The following WNT5A variants were observed in gnomAD, a reference collection of about 807,000 sequenced individuals.
WNT5A encodes the protein Wnt family member 5A.
Under a neutral mutation model 42.1 loss-of-function variants are expected in WNT5A, and 9 were observed. The observed-to-expected ratio is 0.21, with a 90% CI of 0.13 to 0.37. WNT5A has a LOEUF of 0.37. Among genes scored for constraint, WNT5A ranks in the 10% least tolerant of loss-of-function variants. The probability of loss-of-function intolerance (pLI) is 1.00; values close to 1 mark genes in which losing one functional copy is unlikely to be tolerated. For missense variants in WNT5A, 426 were observed against 534.0 expected (o/e 0.80, Z 1.99); for synonymous variants, 210 against 210.0 (o/e 1.00, Z 0.00).
Position 55,480,925 on chromosome 3 carries a change from A to G in WNT5A, c.7-7T>C. On this transcript the variant is annotated splice_region_variant and splice_polypyrimidine_tract_variant and intron_variant, in intron 1 of 4. Transcript: ENST00000264634. ...TTAATATTCCAATGGACTTCTGGAGAGGGAAGAAAGGAGCAGATGTTTATT... is the reference window on the plus strand; with the variant it reads ...TTAATATTCCAATGGACTTCTGGAGGGGGAAGAAAGGAGCAGATGTTTATT... 6.6e-7 allele frequency: 1 copy of G among 1,517,236 alleles called. No homozygotes were observed. Among genetic ancestry groups the G allele is most frequent in the Non-Finnish European group, 8.8e-7 (1 of 1,130,644 alleles). The allele number at this position is 1,517,236 out of a possible 1,614,324, so 94.0% of individuals were successfully genotyped here. A position where few individuals can be genotyped will look rare whatever the true frequency, so the allele number is the denominator to read the frequency against.
chr3:55,479,227 T>C (rs766368507), intron 3 of WNT5A, 87 bp downstream of exon 3: 247 of 1,396,988 alleles, frequency 1.8e-4, no homozygotes, highest in Non-Finnish European at 2.3e-4. Flanking sequence ...TCCTTCATGC[T>C]TTCTATCAAG....
At chr3:55,482,819 G>A (rs1265270729) in intron 1 of WNT5A, among the ~76,000 whole-genome samples, 1 of 152,128 alleles carries the variant, frequency 6.6e-6, no homozygotes, top group Admixed American at 6.5e-5. Context: ...GGGCTGCAAA[G>A]TCTGCTTCTC....
At chr3:55,481,332 T>C (rs2051457837) in intron 1 of WNT5A, 6 of 986,958 alleles carry the variant, frequency 6.1e-6, no homozygotes, top group Non-Finnish European at 7.2e-6. Context: ...CTCCCCAACC[T>C]GGGCCGAGCA....
chr3:55,482,051 T>C (rs2051475506), intron 1 of WNT5A, among the ~76,000 whole-genome samples: 1 of 152,130 alleles, frequency 6.6e-6, no homozygotes, highest in Non-Finnish European at 1.5e-5. Context: ...CTGCCTCCAG[T>C]CTAGCCTCTC....
At position 55,472,053 on chromosome 3, in the gene WNT5A, A is replaced by G. The variant is rs116103318; in HGVS notation, c.685-1503T>C. On this transcript the variant is annotated intron_variant, in intron 4 of 4. Transcript: ENST00000264634. ...AAGCTAACACCCCATGGAAATTCTA[A>G]TATGATTTTCTGGCACAGTGCCCAA... Among the ~76,000 whole-genome samples, 1,175 of 152,238 alleles carry G rather than the reference A, an allele frequency of 7.7e-3. 7 individuals are homozygous for G. Among genetic ancestry groups the G allele is most frequent in the Non-Finnish European group, 0.011 (716 of 68,016 alleles).
At chr3:55,492,233 G>T (rs912985063), upstream of WNT5A, among the ~76,000 whole-genome samples, 35 of 143,324 alleles carry the variant, frequency 2.4e-4, 1 homozygote, top group Non-Finnish European at 3.9e-4. Flanking sequence ...GCTTTGTGGC[G>T]GGGGGGCACT....
At chr3:55,473,239 G>A (rs2051284941) in intron 4 of WNT5A, among the ~76,000 whole-genome samples, 1 of 152,194 alleles carries the variant, frequency 6.6e-6, no homozygotes, top group Admixed American at 6.5e-5. Context: ...TGGGGCCAGA[G>A]TCTTCTAAGG....
chr3:55,481,126 G>A, intron 1 of WNT5A: 3 of 687,488 alleles, frequency 4.4e-6, no homozygotes, highest in Non-Finnish European at 6.1e-6. Flanking sequence ...ATCTGATTTC[G>A]CTGGGATCCT....
At chr3:55,482,191 C>T (rs1181998742) in intron 1 of WNT5A, among the ~76,000 whole-genome samples, 1 of 152,240 alleles carries the variant, frequency 6.6e-6, no homozygotes, top group East Asian at 1.9e-4. Flanking sequence ...CGCATCGATT[C>T]CAGGGCAAAG....
At chr3:55,471,179 C>T (rs1034839115) in intron 4 of WNT5A, among the ~76,000 whole-genome samples, 1 of 152,180 alleles carries the variant, frequency 6.6e-6, no homozygotes, top group African/African-American at 2.4e-5. Flanking sequence ...TATAAGTGTC[C>T]TTACACTCAT....
intron 1 of WNT5A, among the ~76,000 whole-genome samples, chr3:55,486,523 C>G (rs1252575661): frequency 2.0e-5 from 3 of 152,238 alleles, no homozygotes; most frequent in Non-Finnish European, 2.9e-5. Context: ...TGCGGGTTCT[C>G]TCAACCAAGG....
chr3:55,481,441 C>G (rs111996292), intron 1 of WNT5A: 2 of 398,562 alleles, frequency 5.0e-6, no homozygotes, highest in Non-Finnish European at 6.3e-6. Flanking sequence ...GTGGCCAGCG[C>G]GGGGGGTGGA....
upstream of WNT5A, among the ~76,000 whole-genome samples, chr3:55,488,605 G>C (rs1357968538): frequency 6.6e-6 from 1 of 152,082 alleles, no homozygotes; most frequent in Non-Finnish European, 1.5e-5. Flanking sequence ...TGGGGTGCCG[G>C]GAGGCGGGGT....
intron 3 of WNT5A, chr3:55,478,978 A>G (rs1424844782): frequency 1.1e-5 from 2 of 174,718 alleles, no homozygotes; most frequent in Non-Finnish European, 2.4e-5. Flanking sequence ...GTTTAAAAGC[A>G]TATACATGAC....
At position 55,480,784 on chromosome 3, in the gene WNT5A, C is replaced by A; in HGVS notation, c.140+1G>T. The A allele has an allele frequency of 6.4e-7, 1 of 1,553,340 alleles. No individual in the cohort carries two copies. The highest frequency in any genetic ancestry group is 8.7e-7 in the Non-Finnish European group (1 of 1,150,392). ...AGAACACGCACATAGAATGAACTTA[C>A]CACCAAGAATTGGCTTCAATTACAA... On this transcript the variant is annotated splice_donor_variant, in intron 2 of 4. Transcript: ENST00000264634. LOFTEE classifies it high-confidence loss of function.
rs1369708325 is a variant in WNT5A, at chr3:55,468,987, A to G, written c.*1105T>C. On this transcript the variant is annotated 3_prime_UTR_variant, in exon 5 of 5. Transcript: ENST00000264634. ...TGTTTCATTTCCTGTCCTACAACCA[A>G]AGGGGACCCAGTGGAGCTGCCGTTT... is the stretch of plus-strand genomic sequence containing the variant. 1 of 152,146 alleles carries G rather than the reference A, an allele frequency of 6.6e-6. No individual in the cohort carries two copies. The highest frequency in any genetic ancestry group is 2.4e-5 in the African/African-American group (1 of 41,422). 9.4% of individuals were successfully genotyped at this position (152,146 alleles called of 1,614,324 possible).
Position 55,465,872 on chromosome 3 carries a change from C to T in WNT5A, c.*4220G>A, listed in dbSNP as rs554718218. ...CTTTTTTGCTTTTAAAATACTGAGACAGCATTTTAATTCAATATTCTAGGT... is the reference window on the plus strand; with the variant it reads ...CTTTTTTGCTTTTAAAATACTGAGATAGCATTTTAATTCAATATTCTAGGT... On this transcript the variant is annotated 3_prime_UTR_variant, in exon 5 of 5. Coordinates refer to ENST00000264634, the MANE Select transcript of WNT5A (RefSeq NM_003392.7). The T allele has an allele frequency of 9.9e-5, 15 of 152,076 alleles. No homozygotes were observed. Among genetic ancestry groups the T allele is most frequent in the African/African-American group, 3.6e-4 (15 of 41,498 alleles). 9.4% of individuals were successfully genotyped at this position (152,076 alleles called of 1,614,324 possible).
the WNT5A span, among the ~76,000 whole-genome samples, chr3:55,504,471 C>CTTT: frequency 1.4e-5 from 2 of 142,036 alleles, no homozygotes; most frequent in Non-Finnish European, 1.5e-5. Context: ...GGGTAAACCC[C>CTTT]TTTTTTTTTT....
chr3:55,480,667 A>G, intron 2 of WNT5A, 118 bp downstream of exon 2: 1 of 1,080,870 alleles, frequency 9.3e-7, no homozygotes, highest in Non-Finnish European at 1.2e-6. Flanking sequence ...ATGTATACAT[A>G]TGTCTTGCAA....
Sources: gnomAD v4.1 joint callset for allele counts (sites outside exome capture counted in the v4.1 genomes callset) on GRCh38, gnomAD v4.1.1 for gene constraint, MANE v1.5 for transcripts, NCBI Gene and HGNC (gene_info 2026-07-23, HGNC 2026-07-21) for gene names.